Variants in IL1RAPL1 observed in about 807,000 individuals in gnomAD.
IL1RAPL1 encodes the protein interleukin 1 receptor accessory protein like 1.
IL1RAPL1 carries 3 observed loss-of-function variants against 48.4 expected under a neutral mutation model. The ratio of observed to expected loss-of-function variants is 0.06; its 90% CI spans 0.03 to 0.16. The LOEUF (loss-of-function observed/expected upper bound fraction) is 0.16. IL1RAPL1 is among the 10% of genes least tolerant of loss of function. The pLI is 1.00. For synonymous variants in IL1RAPL1, 185 were observed against 187.7 expected, an observed-to-expected ratio of 0.99 and a Z score of 0.12; for missense variants, 349 against 530.6, an observed-to-expected ratio of 0.66 and a Z score of 3.36.
intron 2 of IL1RAPL1, among the ~76,000 whole-genome samples, chrX:28,818,627 G>T: frequency 9.0e-6 from 1 of 110,764 alleles, no homozygotes; most frequent in Admixed American, 9.7e-5. Flanking sequence ...AGTCCTGGTT[G>T]AGGTTTGCTG....
At chrX:29,770,837 T>C (rs1012352576) in intron 6 of IL1RAPL1, among the ~76,000 whole-genome samples, 6 of 112,540 alleles carry the variant, frequency 5.3e-5, no homozygotes, top group Non-Finnish European at 9.4e-5. Context: ...GATTCAAATT[T>C]GCAGATCTAC....
chrX:29,769,712 G>T (rs1226925842), intron 6 of IL1RAPL1, among the ~76,000 whole-genome samples: 1 of 102,457 alleles, frequency 9.8e-6, no homozygotes, highest in African/African-American at 3.6e-5. Context: ...CACCTCCCGG[G>T]TTCAACCAAT....
rs748122343 is a variant in IL1RAPL1, at chrX:29,721,984, A to G, written c.778+53480A>G. On this transcript the variant is annotated intron_variant, in intron 6 of 10. Coordinates refer to ENST00000378993, the MANE Select transcript of IL1RAPL1 (RefSeq NM_014271.4). ...ACAGGTTATGTTGATTAGGTAAATT[A>G]TATTAGCATTTATTTGTATTTAATT... Among the ~76,000 whole-genome samples the G allele has an allele frequency of 2.7e-5, 3 of 112,204 alleles. No homozygotes were observed. In the East Asian group the frequency reaches 8.4e-4, roughly 31 times the overall value.
At chrX:28,795,161 G>C (rs1222381157) in intron 2 of IL1RAPL1, among the ~76,000 whole-genome samples, 1 of 110,716 alleles carries the variant, frequency 9.0e-6, no homozygotes, top group Non-Finnish European at 1.9e-5. Flanking sequence ...TAAAAAAAAT[G>C]CACTTTAATT....
chrX:29,381,833 A>ATATATATATATATAT (rs1556002319), intron 3 of IL1RAPL1, among the ~76,000 whole-genome samples: 2 of 25,389 alleles, frequency 7.9e-5, no homozygotes, highest in African/African-American at 1.2e-4. Flanking sequence ...AAAAAAAAAA[A>ATATATATATATATAT]ATATATATAT....
At chrX:29,864,122 A>C (rs1481333043) in intron 6 of IL1RAPL1, among the ~76,000 whole-genome samples, 1 of 112,499 alleles carries the variant, frequency 8.9e-6, no homozygotes. Context: ...GTGGGACTCG[A>C]GAATTTACAT....
At position 28,975,995 on chromosome X, in the gene IL1RAPL1, C is replaced by T. The variant is rs776471563; in HGVS notation, c.82+186570C>T. ...TCATGTTCAAAGAAGAGCTCAGAGG[C>T]CAGAGTGGCTGGAGCACAGTAAAGA... On this transcript the variant is annotated intron_variant, in intron 2 of 10. Transcript: ENST00000378993. Among the ~76,000 whole-genome samples the T allele has an allele frequency of 7.2e-5, 8 of 111,182 alleles. No homozygotes were observed. The South Asian group carries it at 3.0e-3, about 42-fold the overall frequency.
chrX:29,890,725 C>T (rs1447485361), intron 6 of IL1RAPL1, among the ~76,000 whole-genome samples: 2 of 111,877 alleles, frequency 1.8e-5, no homozygotes, highest in African/African-American at 6.5e-5. Context: ...CCTAAGATTT[C>T]AGTCCACAGC....
At position 29,923,589 on chromosome X, in the gene IL1RAPL1, G is replaced by A. The variant is rs149741295; in HGVS notation, c.1057+3495G>A. Among the ~76,000 whole-genome samples, 14 of 111,701 alleles carry A rather than the reference G, an allele frequency of 1.3e-4. No individual in the cohort carries two copies. The East Asian group carries it at 3.4e-3, about 27-fold the overall frequency. On this transcript the variant is annotated intron_variant, in intron 8 of 10. Transcript: ENST00000378993. ...TCAAAAATAATAATCAAAGTAAAGC[G>A]CTGACAAATTAGATATTGGGTTACT...
At chrX:29,316,276 C>G in intron 3 of IL1RAPL1, among the ~76,000 whole-genome samples, 1 of 112,072 alleles carries the variant, frequency 8.9e-6, no homozygotes, top group Middle Eastern at 4.7e-3. Context: ...ACGAAAATGA[C>G]AGTGGTTATG....
chrX:29,193,021 A>G (rs1262171805), intron 2 of IL1RAPL1, among the ~76,000 whole-genome samples: 3 of 111,029 alleles, frequency 2.7e-5, no homozygotes, highest in Admixed American at 1.9e-4. Context: ...AGTGTTCTAT[A>G]TTTACATTAT....
chrX:29,591,297 A>G (rs1008508448), intron 5 of IL1RAPL1, among the ~76,000 whole-genome samples: 4 of 112,548 alleles, frequency 3.6e-5, no homozygotes, highest in African/African-American at 1.3e-4. Context: ...CATTGTGACA[A>G]CGAGGTGCCT....
chrX:28,958,991 GCT>G (rs1436545424), intron 2 of IL1RAPL1, among the ~76,000 whole-genome samples: 4 of 110,998 alleles, frequency 3.6e-5, no homozygotes, highest in Non-Finnish European at 5.7e-5. Flanking sequence ...AATATCTTCA[GCT>G]CTTTTTAAAA....
chrX:29,583,018 A>G (rs1418605138), intron 5 of IL1RAPL1, among the ~76,000 whole-genome samples: 1 of 94,684 alleles, frequency 1.1e-5, no homozygotes, highest in Non-Finnish European at 2.1e-5. Context: ...CAACAGTGTA[A>G]AAGTGTTCCT....
intron 2 of IL1RAPL1, among the ~76,000 whole-genome samples, chrX:29,230,431 A>G (rs1931167912): frequency 1.0e-5 from 1 of 96,951 alleles, no homozygotes; most frequent in African/African-American, 3.8e-5. Flanking sequence ...TCCCCACAGT[A>G]TCAAAACCTT....
In IL1RAPL1 at chrX:29,645,334, T is replaced by C. The variant is rs143712679; in HGVS notation, c.704-23096T>C. ...GGTGAGCAATCAAAGCACTAGGTTA[T>C]AGTGTAATGCTAAGAAAAGACGCAT... On this transcript the variant is annotated intron_variant, in intron 5 of 10. Coordinates refer to ENST00000378993, the MANE Select transcript of IL1RAPL1 (RefSeq NM_014271.4). 4.4e-4 allele frequency among the ~76,000 whole-genome samples: 49 copies of C among 111,607 alleles called. 1 individual carries two copies. Among genetic ancestry groups the C allele is most frequent in the African/African-American group, 1.5e-3 (46 of 30,733 alleles).
chrX:29,719,054 T>C (rs1022444510), intron 6 of IL1RAPL1, among the ~76,000 whole-genome samples: 6 of 112,011 alleles, frequency 5.4e-5, no homozygotes. Context: ...AAGAGGAAAA[T>C]ATGTATCAGA....
chrX:28,902,663 A>G (rs1234316101), intron 2 of IL1RAPL1, among the ~76,000 whole-genome samples: 2 of 111,836 alleles, frequency 1.8e-5, no homozygotes, highest in Admixed American at 9.6e-5. Flanking sequence ...AAAAATGAGG[A>G]CAGGAAGTAC....
At chrX:29,643,101 CATT>C (rs1331017033) in intron 5 of IL1RAPL1, among the ~76,000 whole-genome samples, 2 of 112,243 alleles carry the variant, frequency 1.8e-5, no homozygotes, top group Non-Finnish European at 3.8e-5. Flanking sequence ...ATGTGGCTAA[CATT>C]GTTGGATATT....
Sources: allele counts gnomAD v4.1 joint callset (sites outside exome capture counted in the v4.1 genomes callset), GRCh38; gene constraint gnomAD v4.1.1; transcripts MANE v1.5; gene names NCBI Gene and HGNC (gene_info 2026-07-23, HGNC 2026-07-21).